PPP2R5C: variants seen among roughly 807,000 people sequenced by gnomAD.
The protein encoded by PPP2R5C is protein phosphatase 2 regulatory subunit B'gamma, also known as serine/threonine-protein phosphatase 2A 56 kDa regulatory subunit gamma isoform.
In PPP2R5C, 7 loss-of-function variants were observed where a neutral mutation model predicts 68.9. That is an observed-to-expected ratio of 0.10 (90% CI 0.06 to 0.19). The LOEUF (loss-of-function observed/expected upper bound fraction) is 0.19. Ranked by LOEUF, PPP2R5C falls within the 10% of genes least tolerant of loss-of-function variation. The pLI, the probability that PPP2R5C is intolerant of heterozygous loss-of-function variation, is 1.00. For synonymous variants in PPP2R5C, 210 were observed against 222.2 expected, an observed-to-expected ratio of 0.95 and a Z score of 0.49; for missense variants, 348 against 641.3, an observed-to-expected ratio of 0.54 and a Z score of 4.94.
At position 101,797,400 on chromosome 14, in the gene PPP2R5C, T is replaced by C. The variant is rs2038664536; in HGVS notation, c.259+11217T>C. On this transcript the variant is annotated intron_variant, in intron 3 of 14. Coordinates refer to the PPP2R5C transcript ENST00000328724. This position sits in a 1 kb window ranked among gnomAD's most constrained non-coding sequence, Gnocchi z 4.2. ...GTTGCGTGCTTGTCTGCCTGTGTCATCCATTCGAGCATCTGCCAAGGACCC... is the reference window on the plus strand; with the variant it reads ...GTTGCGTGCTTGTCTGCCTGTGTCACCCATTCGAGCATCTGCCAAGGACCC... 1 of 423,376 alleles carries C rather than the reference T, an allele frequency of 2.4e-6. No individual in the cohort carries two copies. Among genetic ancestry groups the C allele is most frequent in the Non-Finnish European group, 4.8e-6 (1 of 206,888 alleles). 26.2% of individuals were successfully genotyped at this position (423,376 alleles called of 1,614,324 possible).
At chr14:101,892,627 TAC>T (rs1267720929) in intron 6 of PPP2R5C, among the ~76,000 whole-genome samples, 1 of 152,104 alleles carries the variant, frequency 6.6e-6, no homozygotes, top group Non-Finnish European at 1.5e-5. Flanking sequence ...CACACACACA[TAC>T]ACACACACAT....
chr14:101,761,678 C>G (rs1595091500), upstream of PPP2R5C: 1 of 215,680 alleles, frequency 4.6e-6, no homozygotes, highest in East Asian at 1.9e-4. Flanking sequence ...GGCGGAGAGA[C>G]GCCGCCGCTG....
intron 1 of PPP2R5C, among the ~76,000 whole-genome samples, chr14:101,840,482 CAAAAAAAAA>C (rs10611025): frequency 5.8e-5 from 3 of 51,866 alleles, no homozygotes; most frequent in African/African-American, 1.9e-4. Context: ...CCCCCACCAC[CAAAAAAAAA>C]AAAAAAAAAA....
rs775818748 is a variant in PPP2R5C at position 101,919,969 on chromosome 14, C to CCAAAAAAAAAAAAAAA, written c.1443+2022_1443+2023insCAAAAAAAAAAAAAAA. On this transcript the variant is annotated intron_variant, in intron 13 of 13. Coordinates refer to ENST00000334743, the Ensembl canonical transcript of PPP2R5C. ...GGGCAAGAAAAGCAAAACTCCGTCT[C>CCAAAAAAAAAAAAAAA]AAAAAAAAAAAAAAAAAAAAAAACC... 7.9e-4 allele frequency among the ~76,000 whole-genome samples: 42 copies of CCAAAAAAAAAAAAAAA among 52,844 alleles called. 2 individuals carry two copies. The highest frequency in any genetic ancestry group is 1.8e-3 in the East Asian group (3 of 1,662). The allele number at this position is 52,844 out of a possible 152,430, so 34.7% of individuals were successfully genotyped here.
intron 2 of PPP2R5C, among the ~76,000 whole-genome samples, chr14:101,871,495 G>A (rs1329397243): frequency 6.6e-6 from 1 of 151,906 alleles, no homozygotes; most frequent in Non-Finnish European, 1.5e-5. Context: ...TGCCCTCCTC[G>A]GCCTCCCAAA....
intron 1 of PPP2R5C, chr14:101,824,253 C>T (rs1459593271): frequency 6.3e-6 from 7 of 1,105,738 alleles, no homozygotes; most frequent in Middle Eastern, 2.8e-4. Flanking sequence ...TCTTTTTATT[C>T]GTAATGATAT....
rs546839029 is a variant in PPP2R5C at position 101,780,069 on chromosome 14, A to G, written c.94-5949A>G. On this transcript the variant is annotated intron_variant, in intron 2 of 14. Transcript: ENST00000328724. ...TCCATATGCATGGCCCTCTCTTCAC[A>G]CTACATTATTTTGAAGCAAATCTCA... Among the ~76,000 whole-genome samples, 5 of 152,158 alleles carry G rather than the reference A, an allele frequency of 3.3e-5. No individual in the cohort carries two copies. The East Asian group carries it at 9.7e-4, about 29-fold the overall frequency.
At chr14:101,840,838 G>A (rs1226338641) in intron 1 of PPP2R5C, among the ~76,000 whole-genome samples, 1 of 152,134 alleles carries the variant, frequency 6.6e-6, no homozygotes, top group Non-Finnish European at 1.5e-5. Flanking sequence ...CCTTTCATTT[G>A]GTACAAATTT....
chr14:101,799,260 T>C (rs2038754225), intron 3 of PPP2R5C, among the ~76,000 whole-genome samples: 2 of 152,146 alleles, frequency 1.3e-5, no homozygotes, highest in South Asian at 2.1e-4. Flanking sequence ...GGCCCATGTT[T>C]TTCCAGTGGG....
intron 1 of PPP2R5C, chr14:101,823,961 GT>G (rs1243589725): frequency 3.6e-5 from 46 of 1,288,602 alleles, no homozygotes; most frequent in Non-Finnish European, 6.1e-6. Flanking sequence ...TACTTTTAGG[GT>G]TTGTGGTTAT....
At chr14:101,813,767 C>T (rs535665879) in intron 1 of PPP2R5C, among the ~76,000 whole-genome samples, 156 of 152,222 alleles carry the variant, frequency 1.0e-3, no homozygotes, top group Non-Finnish European at 1.7e-3. Flanking sequence ...ATGAGTCTGT[C>T]CTTGAAAGAC....
chr14:101,890,410 A>C, intron 6 of PPP2R5C, 114 bp downstream of exon 8: 2 of 975,912 alleles, frequency 2.0e-6, no homozygotes, highest in Non-Finnish European at 1.5e-6. Flanking sequence ...CCATTCTCTA[A>C]AAGAATTCAA....
At chr14:101,842,148 A>T (rs1428527364) in intron 1 of PPP2R5C, among the ~76,000 whole-genome samples, 2 of 152,190 alleles carry the variant, frequency 1.3e-5, no homozygotes, top group Non-Finnish European at 2.9e-5. Flanking sequence ...ACTCATTTCC[A>T]TGAATAATAA....
At chr14:101,809,753 T>G, upstream of PPP2R5C, 1 of 1,227,348 alleles carries the variant, frequency 8.1e-7, no homozygotes, top group Non-Finnish European at 1.1e-6. Flanking sequence ...CTCTTTCCGT[T>G]TGCAGTTTTT....
At position 101,909,574 on chromosome 14, in the gene PPP2R5C, C is replaced by T. The variant is rs751082775; in HGVS notation, c.1152-15C>T. 9 of 1,562,816 alleles carry T rather than the reference C, an allele frequency of 5.8e-6. No homozygotes were observed. Among genetic ancestry groups the T allele is most frequent in the South Asian group, 4.5e-5 (4 of 89,656 alleles). On this transcript the variant is annotated splice_polypyrimidine_tract_variant and intron_variant, in intron 10 of 13. Coordinates refer to ENST00000334743, the Ensembl canonical transcript of PPP2R5C. ...AATGCGTGCTCCCAGGCTCACCGTG[C>T]GGTTTTCTTTATAGGACAATACATG...
At chr14:101,883,147 CT>C in intron 3 of PPP2R5C, 109 bp from the exon 6 acceptor site, 1 of 708,894 alleles carries the variant, frequency 1.4e-6, no homozygotes, top group Middle Eastern at 4.0e-4. Flanking sequence ...AGATATGTGG[CT>C]TTGAGAGGCT....
At chr14:101,847,917 T>G (rs1595365489) in intron 1 of PPP2R5C, among the ~76,000 whole-genome samples, 1 of 152,258 alleles carries the variant, frequency 6.6e-6, no homozygotes, top group East Asian at 1.9e-4. Flanking sequence ...CTCCTCGGCC[T>G]TCCAAAGTGC....
upstream of PPP2R5C, chr14:101,761,840 T>TGCGGGGGCAG: frequency 1.0e-6 from 1 of 989,326 alleles, no homozygotes. Flanking sequence ...GCGCTGCTGC[T>TGCGGGGGCAG]GCGGGGGCAG....
In PPP2R5C at chr14:101,906,765, C is replaced by T. The variant is rs928048065; in HGVS notation, c.1151+236C>T. On this transcript the variant is annotated intron_variant, in intron 10 of 13. Transcript: ENST00000334743. This position sits in a 1 kb window ranked among gnomAD's most constrained non-coding sequence, Gnocchi z 4.0. The stretch of plus-strand genomic sequence containing the variant: ...GAGGCACATTGGTTTGCAGCCACCT[C>T]CCAGTAGCAGCAGTTTCTAGGCCTC... 2 of 472,064 alleles carry T rather than the reference C, an allele frequency of 4.2e-6. No individual in the cohort carries two copies. Among genetic ancestry groups the T allele is most frequent in the Non-Finnish European group, 7.4e-6 (2 of 271,020 alleles). 29.2% of individuals were successfully genotyped at this position (472,064 alleles called of 1,614,324 possible). A position where few individuals can be genotyped will look rare whatever the true frequency, so the allele number is the denominator to read the frequency against.
Sources: gnomAD v4.1 joint callset for allele counts (sites outside exome capture counted in the v4.1 genomes callset) on GRCh38, gnomAD v4.1.1 for gene constraint, Gnocchi (gnomAD v3.1) non-coding constraint, MANE v1.5 for transcripts, NCBI Gene and HGNC (gene_info 2026-07-23, HGNC 2026-07-21) for gene names.